Variants in L3MBTL4 observed in about 807,000 individuals in gnomAD.
L3MBTL4 encodes lethal(3)malignant brain tumor-like protein 4.
A neutral mutation model predicts 84.5 loss-of-function variants in L3MBTL4; 70 were observed. That is an observed-to-expected ratio of 0.83 (90% CI 0.68 to 1.01). The LOEUF (loss-of-function observed/expected upper bound fraction) is 1.01. L3MBTL4 is among the 50% of genes least tolerant of loss of function. The pLI is 0.00. For synonymous variants in L3MBTL4, 274 were observed against 259.8 expected (o/e 1.05, Z -0.52); for missense variants, 715 against 754.8 (o/e 0.95, Z 0.62).
Position 6,237,978 on chromosome 18 carries a change from A to G in L3MBTL4, c.770T>C (p.Leu257Pro). 1 of 1,614,110 alleles carries G rather than the reference A, an allele frequency of 6.2e-7. No individual in the cohort carries two copies. Among genetic ancestry groups the G allele is most frequent in the Non-Finnish European group, 8.5e-7 (1 of 1,179,954 alleles). Residue 257 changes from leucine (L) to proline (P), a missense_variant, in exon 10 of 19, where the codon CTG becomes CCG. Leu to Pro is a moderately conservative substitution (Grantham distance 98, BLOSUM62 -3). Transcript: ENST00000317931. Reference sequence around the variant, plus strand: ...AGTCCACTCACCTTGGGGTGCTATCAGAGTTCTTCCATTCTCCTGACACCA... The same window carrying G: ...AGTCCACTCACCTTGGGGTGCTATCGGAGTTCTTCCATTCTCCTGACACCA... ...VGWCQENGRTLIAPQGYPNPE... is the reference protein window; with the variant it reads ...VGWCQENGRTPIAPQGYPNPE...
intron 15 of L3MBTL4, among the ~76,000 whole-genome samples, chr18:6,088,309 C>T (rs2058328819): frequency 6.6e-6 from 1 of 152,124 alleles, no homozygotes; most frequent in African/African-American, 2.4e-5. Flanking sequence ...TAGTAGGTTG[C>T]TCAAAATCTA....
At chr18:6,128,900 G>A (rs983785472) in intron 14 of L3MBTL4, among the ~76,000 whole-genome samples, 13 of 151,978 alleles carry the variant, frequency 8.6e-5, no homozygotes, top group East Asian at 5.8e-4. Context: ...GGTGAGAGGC[G>A]GATTAATGGA....
intron 5 of L3MBTL4, among the ~76,000 whole-genome samples, chr18:6,251,863 G>A (rs1481895287): frequency 6.6e-6 from 1 of 152,122 alleles, no homozygotes; most frequent in Non-Finnish European, 1.5e-5. Flanking sequence ...AGGTAGCACT[G>A]CACACTGCAG....
intron 1 of L3MBTL4, among the ~76,000 whole-genome samples, chr18:6,408,465 G>T (rs1276049807): frequency 6.6e-6 from 1 of 152,128 alleles, no homozygotes; most frequent in East Asian, 1.9e-4. Flanking sequence ...ATTTAAACCA[G>T]TATTTTAAAT....
At chr18:6,032,385 T>TAC (rs111595039) in intron 16 of L3MBTL4, 14,524 of 345,648 alleles carry the variant, frequency 0.042, 186 homozygotes, top group African/African-American at 0.065. Context: ...TGAAATATGT[T>TAC]ACACACACAC....
chr18:6,179,630 T>C lies in L3MBTL4; in HGVS notation c.982-7688A>G, dbSNP rs113217322. ...GGGTATGGCAGGGGACACACTTTTA[T>C]TGTACACATATATTCCAGGGATAGT... On this transcript the variant is annotated intron_variant, in intron 12 of 18. Transcript: ENST00000317931. Among the ~76,000 whole-genome samples, 1,210 of 152,278 alleles carry C rather than the reference T, an allele frequency of 7.9e-3. 21 individuals carry two copies. The highest frequency in any genetic ancestry group is 0.028 in the African/African-American group (1,158 of 41,558).
rs532024591 is a variant in L3MBTL4 at position 6,285,380 on chromosome 18, A to G, written c.127+16523T>C. ...AGAGGGAGAACTGTTACTAGAATGA[A>G]TCCTGTGGGATGGGACTGGAATTGG... On this transcript the variant is annotated intron_variant, in intron 4 of 18. Transcript: ENST00000317931. Among the ~76,000 whole-genome samples the G allele has an allele frequency of 1.3e-3, 205 of 152,264 alleles. 1 individual carries two copies. Among genetic ancestry groups the G allele is most frequent in the Non-Finnish European group, 1.9e-3 (127 of 68,012 alleles).
chr18:5,978,542 G>A (rs2053062289), intron 16 of L3MBTL4, among the ~76,000 whole-genome samples: 1 of 152,178 alleles, frequency 6.6e-6, no homozygotes, highest in Admixed American at 6.5e-5. Flanking sequence ...GGAGACTGGA[G>A]TGGCTCTTAT....
rs1225441221 is a variant in L3MBTL4, at chr18:5,992,695, G to A, written c.1445-23133C>T. Among the ~76,000 whole-genome samples, 5 of 152,214 alleles carry A rather than the reference G, an allele frequency of 3.3e-5. No individual in the cohort carries two copies. In the East Asian group the frequency reaches 7.8e-4, roughly 24 times the overall value. ...TCACACGAGATGTGGTCATTTAAAA[G>A]TGTGTGGCACCCTCCACCCCCACTC... is the stretch of plus-strand genomic sequence containing the variant. On this transcript the variant is annotated intron_variant, in intron 16 of 18. Coordinates refer to ENST00000317931, the MANE Select transcript of L3MBTL4 (RefSeq NM_001330559.2).
chr18:6,321,060 C>T (rs868145564), intron 1 of L3MBTL4, among the ~76,000 whole-genome samples: 3 of 152,114 alleles, frequency 2.0e-5, no homozygotes, highest in Admixed American at 6.6e-5. Flanking sequence ...CCCTCTCTCT[C>T]GCCTTACACA....
In L3MBTL4 at chr18:6,080,806, C is replaced by T. The variant is rs543880914; in HGVS notation, c.1444+75G>A. On this transcript the variant is annotated intron_variant, in intron 16 of 18. Coordinates refer to ENST00000317931, the MANE Select transcript of L3MBTL4 (RefSeq NM_001330559.2). The stretch of plus-strand genomic sequence containing the variant: ...CCATTCCCTGTTGGAATGATAAAAC[C>T]AAACAGTCAAACAAATAAGACATTC... 2.5e-5 allele frequency: 28 copies of T among 1,107,370 alleles called. No individual in the cohort carries two copies. In the African/African-American group the frequency reaches 4.2e-4, roughly 17 times the overall value. The allele number at this position is 1,107,370 out of a possible 1,614,324, so 68.6% of individuals were successfully genotyped here.
intron 15 of L3MBTL4, among the ~76,000 whole-genome samples, chr18:6,088,009 G>A (rs969038173): frequency 6.6e-6 from 1 of 152,192 alleles, no homozygotes; most frequent in Admixed American, 6.5e-5. Flanking sequence ...GATCTATAAT[G>A]TGAAACATAA....
intron 1 of L3MBTL4, among the ~76,000 whole-genome samples, chr18:6,369,411 T>C (rs2054067507): frequency 6.6e-6 from 1 of 152,158 alleles, no homozygotes; most frequent in African/African-American, 2.4e-5. Flanking sequence ...CATCCCACAA[T>C]GCACAGGACA....
intron 5 of L3MBTL4, chr18:6,260,823 A>G (rs2048366729): frequency 6.6e-6 from 1 of 152,264 alleles, no homozygotes; most frequent in African/African-American, 2.4e-5. Context: ...GAACATTAAT[A>G]GTCAAAAACA....
At chr18:6,326,241 A>G (rs2051710444) in intron 1 of L3MBTL4, among the ~76,000 whole-genome samples, 1 of 152,190 alleles carries the variant, frequency 6.6e-6, no homozygotes, top group African/African-American at 2.4e-5. Context: ...TGGCTCTCTT[A>G]AGCAAAAAAG....
chr18:6,138,088 A>G, intron 14 of L3MBTL4, 106 bp downstream of exon 14: 1 of 641,056 alleles, frequency 1.6e-6, no homozygotes, highest in Non-Finnish European at 2.7e-6. Context: ...GGAGTGTCAC[A>G]GGGGCAGCTG....
intron 16 of L3MBTL4, among the ~76,000 whole-genome samples, chr18:6,046,006 T>C (rs918868063): frequency 6.6e-6 from 1 of 152,084 alleles, no homozygotes; most frequent in Non-Finnish European, 1.5e-5. Flanking sequence ...TGACACATAA[T>C]GACACCCACA....
At chr18:6,179,381 TG>T (rs1165952290) in intron 12 of L3MBTL4, among the ~76,000 whole-genome samples, 1 of 152,212 alleles carries the variant, frequency 6.6e-6, no homozygotes, top group Non-Finnish European at 1.5e-5. Context: ...AGAGGAGAAC[TG>T]GGTTTTAATA....
intron 13 of L3MBTL4, among the ~76,000 whole-genome samples, chr18:6,162,855 A>C (rs2043409779): frequency 6.6e-6 from 1 of 152,192 alleles, no homozygotes; most frequent in Non-Finnish European, 1.5e-5. Flanking sequence ...TTAGGAGGCC[A>C]GTGTTCAAGG....
Sources: gnomAD v4.1 joint callset for allele counts (sites outside exome capture counted in the v4.1 genomes callset) on GRCh38, gnomAD v4.1.1 for gene constraint, MANE v1.5 for transcripts, NCBI Gene and HGNC (gene_info 2026-07-23, HGNC 2026-07-21) for gene names.